GDAP1: variants seen among roughly 807,000 people sequenced by gnomAD.
GDAP1 encodes ganglioside induced differentiation associated protein 1.
In GDAP1, 34 loss-of-function variants were observed where a neutral mutation model predicts 40.1. The observed-to-expected ratio is 0.85, with a 90% CI of 0.64 to 1.13. The LOEUF is 1.13. Ranked by LOEUF, GDAP1 falls within the 50% of genes most tolerant of loss-of-function variation. GDAP1 has a pLI of 0.00. For missense variants in GDAP1, 374 were observed against 433.7 expected, an observed-to-expected ratio of 0.86 and a Z score of 1.22; for synonymous variants, 170 against 157.4, an observed-to-expected ratio of 1.08 and a Z score of -0.60.
At chr8:74,439,060 A>G (rs1331477936) in intron 2 of GDAP1, among the ~76,000 whole-genome samples, 1 of 138,714 alleles carries the variant, frequency 7.2e-6, no homozygotes, top group East Asian at 2.2e-4. Context: ...GTGTGTGTAT[A>G]TAACTTTTTT....
At chr8:74,427,673 A>G (rs570948874) in intron 2 of GDAP1, among the ~76,000 whole-genome samples, 2 of 152,290 alleles carry the variant, frequency 1.3e-5, no homozygotes, top group East Asian at 3.9e-4. Flanking sequence ...AAACAAACAC[A>G]TTTGCTAAGA....
At chr8:74,457,805 G>T (rs747021002) in intron 2 of GDAP1, among the ~76,000 whole-genome samples, 10 of 152,098 alleles carry the variant, frequency 6.6e-5, no homozygotes, top group Non-Finnish European at 1.3e-4. Context: ...TTCACTTTGA[G>T]TAGTGTTTAA....
chr8:74,431,752 A>AT (rs1806029480), intron 2 of GDAP1, among the ~76,000 whole-genome samples: 1 of 152,122 alleles, frequency 6.6e-6, no homozygotes, highest in African/African-American at 2.4e-5. Flanking sequence ...AAGTGCTGGA[A>AT]TTACAGGTGT....
intron 2 of GDAP1, among the ~76,000 whole-genome samples, chr8:74,422,191 T>C (rs1482330611): frequency 1.4e-5 from 2 of 139,454 alleles, no homozygotes; most frequent in African/African-American, 4.9e-5. Flanking sequence ...TTCTTTTTTC[T>C]CTTTCTTCTT....
At chr8:74,400,729 C>A (rs919307191) in intron 2 of GDAP1, among the ~76,000 whole-genome samples, 1 of 149,396 alleles carries the variant, frequency 6.7e-6, no homozygotes, top group Non-Finnish European at 1.5e-5. Flanking sequence ...CCTTCAGGAG[C>A]TCTTTTAGGG....
intron 2 of GDAP1, among the ~76,000 whole-genome samples, chr8:74,425,871 T>A (rs1029289598): frequency 1.3e-5 from 2 of 152,214 alleles, no homozygotes; most frequent in Admixed American, 6.5e-5. Flanking sequence ...TCCTCTTCTT[T>A]AATTATCTCA....
In GDAP1 at chr8:74,360,216, C is replaced by G; in HGVS notation, c.390C>G (p.Ser130=). The part of the protein sequence containing the change: ...RVQHYRELLD[S]LPMDAYTHGC... Reference sequence around the variant, plus strand: ...AACATTACCGAGAGCTGCTTGACTCCTTGCCAATGGATGCCTATACACATG... The same window carrying G: ...AACATTACCGAGAGCTGCTTGACTCGTTGCCAATGGATGCCTATACACATG... The change falls in exon 3 of 6, where the codon TCC becomes TCG. Residue 130 remains serine (S), a synonymous_variant. Transcript: ENST00000220822. 6.2e-7 allele frequency: 1 copy of G among 1,613,322 alleles called. No homozygotes were observed. Among genetic ancestry groups the G allele is most frequent in the Non-Finnish European group, 8.5e-7 (1 of 1,179,272 alleles).
chr8:74,453,316 TTA>T lies in GDAP1; in HGVS notation c.166-35360_166-35359del. Among the ~76,000 whole-genome samples the T allele has an allele frequency of 2.4e-5, 2 of 84,636 alleles. 1 individual carries two copies. The highest frequency in any genetic ancestry group is 6.9e-4 in the East Asian group (2 of 2,902). The allele number at this position is 84,636 out of a possible 152,430, so 55.5% of individuals were successfully genotyped here. On this transcript the variant is annotated intron_variant, in intron 2 of 2. Coordinates refer to the GDAP1 transcript ENST00000523640. ...AATATTTTTAAATAGAAATTGATCA[TTA>T]TCAATAAAATGGGGACATTAATTAT...
intron 2 of GDAP1, among the ~76,000 whole-genome samples, chr8:74,481,570 T>C (rs930430530): frequency 6.6e-6 from 1 of 152,176 alleles, no homozygotes; most frequent in African/African-American, 2.4e-5. Flanking sequence ...GAATTGCTGC[T>C]CTCCAGACAA....
chr8:74,398,365 A>T (rs1324370315), intron 2 of GDAP1, among the ~76,000 whole-genome samples: 1 of 152,006 alleles, frequency 6.6e-6, no homozygotes, highest in Non-Finnish European at 1.5e-5. Flanking sequence ...GTGTCTCTGC[A>T]TGTGAGATGG....
At chr8:74,465,676 G>C (rs1453411271) in intron 2 of GDAP1, among the ~76,000 whole-genome samples, 1 of 152,100 alleles carries the variant, frequency 6.6e-6, no homozygotes, top group Admixed American at 6.5e-5. Context: ...ATGCTCTGCT[G>C]TTCTGCAAGA....
intron 2 of GDAP1, among the ~76,000 whole-genome samples, chr8:74,415,827 C>T (rs578119020): frequency 6.7e-6 from 1 of 149,810 alleles, no homozygotes; most frequent in Non-Finnish European, 1.5e-5. Flanking sequence ...AGAGAAACCC[C>T]TAACTGTGAG....
intron 2 of GDAP1, among the ~76,000 whole-genome samples, chr8:74,399,202 T>TCAAAG (rs1563458044): frequency 4.7e-5 from 7 of 150,272 alleles, no homozygotes; most frequent in African/African-American, 1.8e-4. Flanking sequence ...GTTGGTAAGC[T>TCAAAG]ATTGATTATT....
At chr8:74,358,632 A>C (rs1809212538) in intron 2 of GDAP1, among the ~76,000 whole-genome samples, 1 of 152,210 alleles carries the variant, frequency 6.6e-6, no homozygotes, top group Non-Finnish European at 1.5e-5. Context: ...TCTACTGTAC[A>C]CTTGAGAGAG....
intron 2 of GDAP1, among the ~76,000 whole-genome samples, chr8:74,480,087 C>T: frequency 6.7e-6 from 1 of 148,876 alleles, no homozygotes; most frequent in East Asian, 2.0e-4. Flanking sequence ...CTCCCAGGTT[C>T]AAGCGATTCT....
At chr8:74,460,160 G>A (rs1240860149) in intron 2 of GDAP1, among the ~76,000 whole-genome samples, 1 of 152,212 alleles carries the variant, frequency 6.6e-6, no homozygotes, top group Non-Finnish European at 1.5e-5. Context: ...TGCTATAGAT[G>A]TGTGCCCCAC....
intron 2 of GDAP1, among the ~76,000 whole-genome samples, chr8:74,487,113 A>C (rs1806785706): frequency 6.6e-6 from 1 of 152,224 alleles, no homozygotes; most frequent in Admixed American, 6.5e-5. Context: ...ACCATGGCAC[A>C]GTGCCTGGCA....
chr8:74,378,126 A>G (rs901012246), intron 2 of GDAP1, among the ~76,000 whole-genome samples: 19 of 152,184 alleles, frequency 1.2e-4, no homozygotes, highest in Admixed American at 1.0e-3. Flanking sequence ...TATCAGTGCC[A>G]TTTTGGCAAA....
rs1038498409 is a variant in GDAP1 at position 74,355,896 on chromosome 8, C to T, written c.311-4241C>T. On this transcript the variant is annotated intron_variant, in intron 2 of 5. Coordinates refer to ENST00000220822, the MANE Select transcript of GDAP1 (RefSeq NM_018972.4). ...CTATTCTAGTATGATATTAAAATCA[C>T]GTAAATCTTATTAGGATATCTAAAT... Among the ~76,000 whole-genome samples the T allele has an allele frequency of 4.6e-5, 7 of 151,762 alleles. No individual in the cohort carries two copies. The East Asian group carries it at 5.8e-4, about 13-fold the overall frequency.
Sources: gnomAD v4.1 joint callset for allele counts (sites outside exome capture counted in the v4.1 genomes callset) on GRCh38, gnomAD v4.1.1 for gene constraint, MANE v1.5 for transcripts, NCBI Gene and HGNC (gene_info 2026-07-23, HGNC 2026-07-21) for gene names.